Variants in APOL1 observed in about 807,000 individuals in gnomAD.
The protein encoded by APOL1 is apolipoprotein L 1.
Under a neutral mutation model 14.9 loss-of-function variants are expected in APOL1, and 17 were observed. The observed-to-expected ratio is 1.14, with a 90% CI of 0.78 to 1.71. The LOEUF (loss-of-function observed/expected upper bound fraction) is 1.71. Ranked by LOEUF, APOL1 falls within the 40% of genes most tolerant of loss-of-function variation. APOL1 has a pLI of 0.00. For synonymous variants in APOL1, 195 were observed against 184.8 expected (o/e 1.05, Z -0.45); for missense variants, 523 against 485.9 (o/e 1.08, Z -0.72).
At position 36,265,214 on chromosome 22, in the gene APOL1, CA is replaced by C; in HGVS notation, c.383del (p.Asn128ThrfsTer14). 6.2e-7 allele frequency: 1 copy of C among 1,614,150 alleles called. No individual in the cohort carries two copies. Among genetic ancestry groups the C allele is most frequent in the Non-Finnish European group, 8.5e-7 (1 of 1,180,018 alleles). On this transcript the variant is annotated frameshift_variant, in exon 6 of 6. Transcript: ENST00000397278. LOFTEE classifies it low-confidence loss of function (END_TRUNC). ...NLARQMIMKD[K>X]NWHDKGQQYR... ...TTGCAAGACAAATGATCATGAAAGA[CA>C]AAAACTGGCACGATAAAGGCCAGCA...
rs1281444892 is a variant in APOL1 at position 36,255,015 on chromosome 22, A to C, written c.44+16A>C. 14 of 1,610,428 alleles carry C rather than the reference A, an allele frequency of 8.7e-6. No homozygotes were observed. Among genetic ancestry groups the C allele is most frequent in the Non-Finnish European group, 1.2e-5 (14 of 1,176,656 alleles). On this transcript the variant is annotated intron_variant, in intron 2 of 5. Transcript: ENST00000397278. ...TCTGCATCTGGTGAGCTTGGCTCAGAGCCCTGAGGCGGGAGGGAGGGCTCC... is the reference window on the plus strand; with the variant it reads ...TCTGCATCTGGTGAGCTTGGCTCAGCGCCCTGAGGCGGGAGGGAGGGCTCC...
At position 36,263,681 on chromosome 22, in the gene APOL1, C is replaced by A. The variant is rs1007682547; in HGVS notation, c.315-1470C>A. Among the ~76,000 whole-genome samples the A allele has an allele frequency of 2.6e-5, 4 of 152,288 alleles. No individual in the cohort carries two copies. In the South Asian group the frequency reaches 6.2e-4, roughly 24 times the overall value. On this transcript the variant is annotated intron_variant, in intron 5 of 5. Transcript: ENST00000397278. ...CGGTGTTGCCAACCAGGGAAGCTCA[C>A]CCAGTTAAGGAAAAATTCCTGTGAA...
At chr22:36,258,977 C>G (rs1013386639) in intron 4 of APOL1, among the ~76,000 whole-genome samples, 5 of 152,182 alleles carry the variant, frequency 3.3e-5, no homozygotes, top group Admixed American at 2.0e-4. Flanking sequence ...TCCCCTCCCC[C>G]TGTCCCTACA....
chr22:36,259,130 A>G (rs1009596198), intron 4 of APOL1, among the ~76,000 whole-genome samples: 6 of 152,192 alleles, frequency 3.9e-5, no homozygotes, highest in African/African-American at 1.4e-4. Context: ...TAACAGAAGT[A>G]CCCATCTGAT....
At position 36,266,553 on chromosome 22, in the gene APOL1, GA is replaced by G; in HGVS notation, c.*525del. ...AGGAACATTGGAGCCTGCAATAAGGGAAAAATGGGAACTGGAGAGTGTGGGG... is the reference window on the plus strand; with the variant it reads ...AGGAACATTGGAGCCTGCAATAAGGGAAAATGGGAACTGGAGAGTGTGGGG... On this transcript the variant is annotated 3_prime_UTR_variant, in exon 6 of 6. Transcript: ENST00000397278. 2.5e-6 allele frequency: 1 copy of G among 399,464 alleles called. No homozygotes were observed. Among genetic ancestry groups the G allele is most frequent in the Non-Finnish European group, 4.4e-6 (1 of 226,868 alleles). 24.7% of individuals were successfully genotyped at this position (399,464 alleles called of 1,614,324 possible). A position where few individuals can be genotyped will look rare whatever the true frequency, so the allele number is the denominator to read the frequency against.
chr22:36,261,092 C>G (rs928349444), intron 4 of APOL1, among the ~76,000 whole-genome samples: 7 of 152,280 alleles, frequency 4.6e-5, no homozygotes, highest in African/African-American at 1.7e-4. Flanking sequence ...CATGGCACTC[C>G]CCTGGTGTTT....
chr22:36,254,754 T>A (rs940467801), intron 1 of APOL1, 183 bp from the exon 2 acceptor site: 4 of 636,290 alleles, frequency 6.3e-6, no homozygotes, highest in African/African-American at 5.6e-5. Context: ...TCCCAGCTAC[T>A]CGGGAGGCTG....
intron 4 of APOL1, among the ~76,000 whole-genome samples, 191 bp from the exon 5 acceptor site, chr22:36,261,405 T>TC (rs2016066824): frequency 6.6e-6 from 1 of 152,168 alleles, no homozygotes; most frequent in African/African-American, 2.4e-5. Flanking sequence ...CCAAATGTAG[T>TC]CACCTGAGTT....
At chr22:36,261,194 C>T (rs964081556) in intron 4 of APOL1, among the ~76,000 whole-genome samples, 1 of 152,126 alleles carries the variant, frequency 6.6e-6, no homozygotes, top group African/African-American at 2.4e-5. Flanking sequence ...GGCAAGAAGT[C>T]CAAGGTGAAG....
rs2016264360 is a variant in APOL1 at position 36,266,447 on chromosome 22, G to A, written c.*414G>A. 1 of 408,888 alleles carries A rather than the reference G, an allele frequency of 2.4e-6. No individual in the cohort carries two copies. Among genetic ancestry groups the A allele is most frequent in the Admixed American group, 4.1e-5 (1 of 24,270 alleles). 25.3% of individuals were successfully genotyped at this position (408,888 alleles called of 1,614,324 possible). On this transcript the variant is annotated 3_prime_UTR_variant, in exon 6 of 6. Transcript: ENST00000397278. The stretch of plus-strand genomic sequence containing the variant: ...GGTGAGGTAAAGTTTATGGAACTGA[G>A]TGTTAGGGACTTTGGCATTTCCATA...
Position 36,265,145 on chromosome 22 carries a change from G to C in APOL1, c.315-6G>C, listed in dbSNP as rs1176715370. The C allele has an allele frequency of 6.2e-7, 1 of 1,613,702 alleles. No individual in the cohort carries two copies. The highest frequency in any genetic ancestry group is 1.1e-5 in the South Asian group (1 of 91,036). ...TTTCTTAATCCTTTAACCTTTCCTT[G>C]TGCAGGAATGAGGCAGATGAGCTCC... On this transcript the variant is annotated splice_region_variant and splice_polypyrimidine_tract_variant and intron_variant, in intron 5 of 5. Coordinates refer to ENST00000397278, the MANE Select transcript of APOL1 (RefSeq NM_003661.4).
intron 1 of APOL1, chr22:36,253,907 A>C: frequency 6.2e-7 from 1 of 1,610,558 alleles, no homozygotes; most frequent in Non-Finnish European, 8.5e-7. Flanking sequence ...GAGACAGGGG[A>C]GTGAGAAGGG....
Position 36,266,924 on chromosome 22 carries a change from A to T in APOL1, c.*891A>T, listed in dbSNP as rs907794688. Reference sequence around the variant, plus strand: ...CATCTCAAAAAAAAAAAAAAAAAGAATATATTGACGGAAGAATAGAGAGGA... The same window carrying T: ...CATCTCAAAAAAAAAAAAAAAAAGATTATATTGACGGAAGAATAGAGAGGA... On this transcript the variant is annotated 3_prime_UTR_variant, in exon 6 of 6. Transcript: ENST00000397278. 1.8e-5 allele frequency: 3 copies of T among 170,724 alleles called. No homozygotes were observed. The highest frequency in any genetic ancestry group is 3.7e-5 in the Non-Finnish European group (3 of 80,768). The allele number at this position is 170,724 out of a possible 1,614,324, so 10.6% of individuals were successfully genotyped here.
intron 4 of APOL1, chr22:36,259,652 C>A: frequency 7.8e-7 from 1 of 1,282,738 alleles, no homozygotes; most frequent in Non-Finnish European, 1.0e-6. Context: ...ACAAGATGAT[C>A]TGTGGTTTAA....
chr22:36,264,297 C>T (rs2016163678), intron 5 of APOL1, among the ~76,000 whole-genome samples: 1 of 152,160 alleles, frequency 6.6e-6, no homozygotes. Context: ...AGCCCCAAAC[C>T]CCATCATCCA....
At chr22:36,259,776 G>A (rs1290893897) in intron 4 of APOL1, 11 of 1,304,016 alleles carry the variant, frequency 8.4e-6, no homozygotes, top group African/African-American at 3.0e-5. Context: ...TGAGGGTCCC[G>A]CCCCCATGCC....
intron 4 of APOL1, among the ~76,000 whole-genome samples, chr22:36,258,251 A>C (rs2015958410): frequency 6.6e-6 from 1 of 152,334 alleles, no homozygotes; most frequent in East Asian, 1.9e-4. Context: ...CAGTCATCTA[A>C]AATACCCCCG....
intron 1 of APOL1, chr22:36,254,047 C>T: frequency 1.3e-6 from 2 of 1,600,004 alleles, no homozygotes; most frequent in Non-Finnish European, 1.7e-6. Flanking sequence ...GAAGGAGAAT[C>T]AAACCTGGAA....
At chr22:36,258,681 G>A (rs1015655203) in intron 4 of APOL1, among the ~76,000 whole-genome samples, 12 of 152,232 alleles carry the variant, frequency 7.9e-5, no homozygotes, top group Non-Finnish European at 1.6e-4. Flanking sequence ...GCCCAGTGGA[G>A]TTTGGGGTTC....
Sources: gnomAD v4.1 joint callset for allele counts (sites outside exome capture counted in the v4.1 genomes callset) on GRCh38, gnomAD v4.1.1 for gene constraint, MANE v1.5 for transcripts, NCBI Gene and HGNC (gene_info 2026-07-23, HGNC 2026-07-21) for gene names.